The following SLC9A9 variants were observed in gnomAD, a reference collection of about 807,000 sequenced individuals.
The protein encoded by SLC9A9 is solute carrier family 9 member A9.
Under a neutral mutation model 77.8 loss-of-function variants are expected in SLC9A9, and 62 were observed. That is an observed-to-expected ratio of 0.80 (90% CI 0.65 to 0.98). The LOEUF is 0.98. SLC9A9 is among the 50% of genes least tolerant of loss of function. SLC9A9 has a pLI of 0.00. For synonymous variants in SLC9A9, 320 were observed against 283.5 expected (o/e 1.13, Z -1.29); for missense variants, 775 against 774.9 (o/e 1.00, Z 0.00).
intron 12 of SLC9A9, among the ~76,000 whole-genome samples, chr3:143,386,097 G>A (rs1327435893): frequency 1.3e-5 from 2 of 152,204 alleles, no homozygotes; most frequent in East Asian, 1.9e-4. Context: ...CATCCACCAC[G>A]ATGCCCTTCC....
intron 5 of SLC9A9, among the ~76,000 whole-genome samples, chr3:143,663,548 C>A (rs1242053): frequency 1.3e-5 from 2 of 152,086 alleles, no homozygotes; most frequent in African/African-American, 4.8e-5. Flanking sequence ...GAACCCATCA[C>A]GAAGAAGTTA....
At chr3:143,403,600 A>G (rs1314579956) in intron 12 of SLC9A9, among the ~76,000 whole-genome samples, 10 of 152,128 alleles carry the variant, frequency 6.6e-5, no homozygotes, top group African/African-American at 2.4e-4. Flanking sequence ...TCTGAAAGAT[A>G]GTTTTGCTGG....
chr3:143,642,057 G>C (rs1207245180), intron 6 of SLC9A9, among the ~76,000 whole-genome samples: 1 of 152,010 alleles, frequency 6.6e-6, no homozygotes, highest in African/African-American at 2.4e-5. Flanking sequence ...ATATTCTTCA[G>C]AAGTTCTATC....
intron 12 of SLC9A9, among the ~76,000 whole-genome samples, chr3:143,412,852 A>G (rs554390147): frequency 5.9e-5 from 9 of 152,270 alleles, no homozygotes; most frequent in African/African-American, 7.2e-5. Context: ...AGTGTCTTAC[A>G]TGAAATGTGC....
intron 2 of SLC9A9, among the ~76,000 whole-genome samples, chr3:143,816,101 G>C (rs2009008987): frequency 6.6e-6 from 1 of 152,192 alleles, no homozygotes; most frequent in African/African-American, 2.4e-5. Context: ...CCCAGCCCCA[G>C]AAATAATCAA....
intron 14 of SLC9A9, among the ~76,000 whole-genome samples, chr3:143,336,360 C>G (rs1425489773): frequency 6.6e-6 from 1 of 152,206 alleles, no homozygotes; most frequent in East Asian, 1.9e-4. Context: ...AATAGAACTA[C>G]CATATGATTT....
At chr3:143,574,910 G>A (rs190878670) in intron 7 of SLC9A9, among the ~76,000 whole-genome samples, 17 of 152,266 alleles carry the variant, frequency 1.1e-4, no homozygotes, top group African/African-American at 3.9e-4. Context: ...GATGGGAAAG[G>A]GTTAGGTTGC....
intron 11 of SLC9A9, among the ~76,000 whole-genome samples, chr3:143,489,717 AG>A (rs1288441854): frequency 1.3e-5 from 2 of 152,192 alleles, no homozygotes; most frequent in East Asian, 3.9e-4. Context: ...ATCAAAATAC[AG>A]TGTAAACAGA....
chr3:143,631,720 G>A (rs1296158470), intron 6 of SLC9A9, among the ~76,000 whole-genome samples: 1 of 151,950 alleles, frequency 6.6e-6, no homozygotes, highest in Non-Finnish European at 1.5e-5. Flanking sequence ...CTTAATTGTT[G>A]TCAGAGGAGA....
chr3:143,387,518 T>C (rs1282002197), intron 12 of SLC9A9, among the ~76,000 whole-genome samples: 2 of 152,156 alleles, frequency 1.3e-5, no homozygotes, highest in Non-Finnish European at 2.9e-5. Context: ...GCATTCCTGA[T>C]GTACCTTTTA....
At chr3:143,593,792 T>C (rs1368475813) in intron 6 of SLC9A9, among the ~76,000 whole-genome samples, 1 of 152,198 alleles carries the variant, frequency 6.6e-6, no homozygotes. Context: ...GATGCATAAT[T>C]AGAGATTATA....
chr3:143,387,784 TA>T lies in SLC9A9; in HGVS notation c.1470-5671del, dbSNP rs34211120. Among the ~76,000 whole-genome samples, 682 of 147,060 alleles carry T rather than the reference TA, an allele frequency of 4.6e-3. 2 individuals carry two copies. The highest frequency in any genetic ancestry group is 0.021 in the Middle Eastern group (6 of 288). ...GGATGCTCTTATACCCAACCATAGT[TA>T]AAAAAAAAAAAATGACCCAAAGTTG... is the stretch of plus-strand genomic sequence containing the variant. On this transcript the variant is annotated intron_variant, in intron 12 of 15. Coordinates refer to ENST00000316549, the MANE Select transcript of SLC9A9 (RefSeq NM_173653.4).
At chr3:143,777,777 T>A (rs957673401) in intron 4 of SLC9A9, among the ~76,000 whole-genome samples, 6 of 150,584 alleles carry the variant, frequency 4.0e-5, no homozygotes, top group Admixed American at 2.0e-4. Flanking sequence ...TGCAGTGGTG[T>A]GATCTCTGCT....
intron 8 of SLC9A9, among the ~76,000 whole-genome samples, chr3:143,569,076 G>A (rs2037218322): frequency 6.6e-6 from 1 of 151,922 alleles, no homozygotes; most frequent in Non-Finnish European, 1.5e-5. Flanking sequence ...TGGGTGGGAA[G>A]ACTTGATGTT....
At chr3:143,739,152 C>A (rs904113996) in intron 4 of SLC9A9, among the ~76,000 whole-genome samples, 1 of 152,110 alleles carries the variant, frequency 6.6e-6, no homozygotes, top group African/African-American at 2.4e-5. Context: ...AGACCAGTCC[C>A]CACCCTGCAG....
chr3:143,522,748 T>C (rs1576551804), intron 9 of SLC9A9, among the ~76,000 whole-genome samples: 1 of 152,168 alleles, frequency 6.6e-6, no homozygotes, highest in Non-Finnish European at 1.5e-5. Flanking sequence ...CCCTTGTATC[T>C]ACCTATACTA....
At chr3:143,560,125 T>C (rs1246535543) in intron 8 of SLC9A9, among the ~76,000 whole-genome samples, 1 of 152,256 alleles carries the variant, frequency 6.6e-6, no homozygotes, top group African/African-American at 2.4e-5. Flanking sequence ...TGGGTATTAA[T>C]GTACATCTGA....
intron 4 of SLC9A9, among the ~76,000 whole-genome samples, chr3:143,723,030 C>G (rs971651771): frequency 6.6e-6 from 1 of 152,096 alleles, no homozygotes; most frequent in Non-Finnish European, 1.5e-5. Context: ...CCCTCAGTTT[C>G]CTGACTATAG....
At chr3:143,302,554 G>A (rs988110644) in intron 14 of SLC9A9, among the ~76,000 whole-genome samples, 1 of 151,892 alleles carries the variant, frequency 6.6e-6, no homozygotes, top group African/African-American at 2.4e-5. Context: ...GGAGGAGAGA[G>A]CCCCTGAAAC....
Sources: allele counts gnomAD v4.1 joint callset (sites outside exome capture counted in the v4.1 genomes callset), GRCh38; gene constraint gnomAD v4.1.1; transcripts MANE v1.5; gene names NCBI Gene and HGNC (gene_info 2026-07-23, HGNC 2026-07-21).